ANO7: variants seen among roughly 807,000 people sequenced by gnomAD.
The protein encoded by ANO7 is anoctamin-7.
ANO7 carries 114 observed loss-of-function variants against 115.8 expected under a neutral mutation model. That is an observed-to-expected ratio of 0.98 (90% CI 0.85 to 1.15). ANO7 has a LOEUF of 1.15. Ranked by LOEUF, ANO7 falls within the 50% of genes most tolerant of loss-of-function variation. ANO7 has a pLI of 0.00. For synonymous variants in ANO7, 550 were observed against 498.2 expected (o/e 1.10, Z -1.38); for missense variants, 1,302 against 1,201.2 (o/e 1.08, Z -1.24).
At chr2:241,230,884 T>C (rs1425884109), downstream of ANO7, 3 of 1,614,078 alleles carry the variant, frequency 1.9e-6, no homozygotes, top group Non-Finnish European at 2.5e-6. This position sits in a 1 kb window ranked among gnomAD's most constrained non-coding sequence, Gnocchi z 5.0. Context: ...ATTCTCAGTA[T>C]AGCATCCCTG....
At chr2:241,238,891 C>T in the ANO7 span, 3 of 892,266 alleles carry the variant, frequency 3.4e-6, no homozygotes, top group South Asian at 2.7e-5. This position sits in a 1 kb window ranked among gnomAD's most constrained non-coding sequence, Gnocchi z 4.9. Context: ...TCCTCTACAG[C>T]CACTTGGCAC....
chr2:241,203,212 G>T lies in ANO7; in HGVS notation c.724-121G>T. On this transcript the variant is annotated intron_variant, in intron 8 of 24. Coordinates refer to ENST00000674324, the MANE Select transcript of ANO7 (RefSeq NM_001370694.2). The surrounding 1 kb of genome is among the most constrained non-coding windows in gnomAD (Gnocchi z 4.8). ...CCACATTACTCTATTTTTTCTTCAT[G>T]GAGCAATCCCAGACTCCCAGGCCTG... The T allele has an allele frequency of 4.0e-4, 224 of 564,674 alleles. No individual in the cohort carries two copies. Among genetic ancestry groups the T allele is most frequent in the Middle Eastern group, 1.1e-3 (2 of 1,854 alleles). 35.0% of individuals were successfully genotyped at this position (564,674 alleles called of 1,614,324 possible). A position where few individuals can be genotyped will look rare whatever the true frequency, so the allele number is the denominator to read the frequency against.
intron 17 of ANO7, among the ~76,000 whole-genome samples, chr2:241,213,952 T>C (rs1006542061): frequency 6.6e-6 from 1 of 152,210 alleles, no homozygotes; most frequent in Non-Finnish European, 1.5e-5. Flanking sequence ...TCTCAATTGT[T>C]AAGTGGGAAA....
At chr2:241,216,845 G>GT (rs1270147818) in intron 19 of ANO7, among the ~76,000 whole-genome samples, 6 of 152,042 alleles carry the variant, frequency 3.9e-5, no homozygotes, top group Non-Finnish European at 5.9e-5. Flanking sequence ...TTTTTGTTTT[G>GT]TTTTTTGAGA....
At chr2:241,233,340 G>A in the ANO7 span, among the ~76,000 whole-genome samples, 1 of 152,152 alleles carries the variant, frequency 6.6e-6, no homozygotes, top group Non-Finnish European at 1.5e-5. The surrounding 1 kb of genome is among the most constrained non-coding windows in gnomAD (Gnocchi z 4.3). Context: ...GCCAGTGGCA[G>A]GGGGGTGGCA....
intron 7 of ANO7, among the ~76,000 whole-genome samples, chr2:241,201,708 G>C (rs916954533): frequency 2.6e-5 from 4 of 152,214 alleles, no homozygotes; most frequent in African/African-American, 7.2e-5. Context: ...GGTGGCCCCA[G>C]GCGGGGCAGG....
intron 10 of ANO7, among the ~76,000 whole-genome samples, chr2:241,205,643 G>A (rs1176652968): frequency 2.4e-5 from 3 of 122,522 alleles, no homozygotes; most frequent in African/African-American, 9.7e-5. Flanking sequence ...CAGGTGGGCA[G>A]GAGTGCTCCC....
intron 7 of ANO7, 83 bp from the exon 8 acceptor site, chr2:241,202,111 G>T: frequency 8.4e-7 from 1 of 1,189,090 alleles, no homozygotes; most frequent in Non-Finnish European, 1.2e-6. Context: ...CCATGGCCTT[G>T]GCCTAAAGAC....
the ANO7 span, chr2:241,240,030 G>A: frequency 8.7e-5 from 140 of 1,614,176 alleles, 1 homozygote; most frequent in African/African-American, 1.3e-3. This position sits in a 1 kb window ranked among gnomAD's most constrained non-coding sequence, Gnocchi z 5.5. Flanking sequence ...CAGTGCTGTC[G>A]CGCACCTTGC....
chr2:241,222,088 G>C (rs2069035160), intron 21 of ANO7, among the ~76,000 whole-genome samples: 1 of 152,016 alleles, frequency 6.6e-6, no homozygotes, highest in Admixed American at 6.6e-5. Flanking sequence ...CAAAAAATTA[G>C]CTGGGCATTG....
intron 21 of ANO7, among the ~76,000 whole-genome samples, chr2:241,222,121 C>G (rs985824973): frequency 6.6e-6 from 1 of 151,930 alleles, no homozygotes; most frequent in Non-Finnish European, 1.5e-5. Flanking sequence ...GTAGTCCCAG[C>G]TACTCAGGAG....
chr2:241,192,675 CGT>C (rs2068233658), intron 3 of ANO7, among the ~76,000 whole-genome samples: 1 of 152,180 alleles, frequency 6.6e-6, no homozygotes, highest in Non-Finnish European at 1.5e-5. Flanking sequence ...AAGCCATCCA[CGT>C]GTCCACCTAC....
intron 16 of ANO7, 137 bp downstream of exon 16, chr2:241,212,342 CAG>C (rs1193069106): frequency 1.0e-6 from 1 of 972,572 alleles, no homozygotes; most frequent in African/African-American, 1.6e-5. Context: ...AGGCAGGGGA[CAG>C]GGGCCCATGC....
At chr2:241,234,151 A>G in the ANO7 span, among the ~76,000 whole-genome samples, 1 of 152,204 alleles carries the variant, frequency 6.6e-6, no homozygotes, top group Non-Finnish European at 1.5e-5. Flanking sequence ...AATGAGAACC[A>G]GGGAACTTGG....
intron 23 of ANO7, 54 bp downstream of exon 23, chr2:241,223,835 T>C (rs1046098356): frequency 6.2e-7 from 1 of 1,613,896 alleles, no homozygotes; most frequent in Non-Finnish European, 8.5e-7. Context: ...CCTATCCTTG[T>C]CAGTGGCTGC....
At chr2:241,193,358 C>T (rs554236001) in intron 3 of ANO7, among the ~76,000 whole-genome samples, 2 of 152,174 alleles carry the variant, frequency 1.3e-5, no homozygotes, top group Non-Finnish European at 2.9e-5. Context: ...GTGTGAGCCG[C>T]CACGCCCAGC....
intron 17 of ANO7, among the ~76,000 whole-genome samples, chr2:241,213,614 C>T (rs897327407): frequency 6.6e-5 from 10 of 152,198 alleles, no homozygotes; most frequent in African/African-American, 2.4e-4. Context: ...CACAGCCCCT[C>T]CTGGGTGAGG....
In ANO7 at chr2:241,203,532, GGCCCCCCCA is replaced by G. The variant is rs777781452; in HGVS notation, c.889+37_889+45del. 2.1e-6 allele frequency: 3 copies of G among 1,405,230 alleles called. No individual in the cohort carries two copies. The highest frequency in any genetic ancestry group is 2.8e-6 in the Non-Finnish European group (3 of 1,067,582). The allele number at this position is 1,405,230 out of a possible 1,614,324, so 87.0% of individuals were successfully genotyped here. A position where few individuals can be genotyped will look rare whatever the true frequency, so the allele number is the denominator to read the frequency against. ...CCCCCGCTGCCCCCCAGACCACCTGGGCCCCCCCAGCTTGGTGTCAGGTTGTAACAATTT... is the reference window on the plus strand; with the variant it reads ...CCCCCGCTGCCCCCCAGACCACCTGGGCTTGGTGTCAGGTTGTAACAATTT... On this transcript the variant is annotated intron_variant, in intron 9 of 24. Coordinates refer to ENST00000674324, the MANE Select transcript of ANO7 (RefSeq NM_001370694.2). This position sits in a 1 kb window ranked among gnomAD's most constrained non-coding sequence, Gnocchi z 4.8.
At chr2:241,226,757 C>T (rs538193210), downstream of ANO7, among the ~76,000 whole-genome samples, 522 of 152,294 alleles carry the variant, frequency 3.4e-3, 3 homozygotes, top group Non-Finnish European at 6.2e-3. Context: ...CTGCCATACC[C>T]GTCTTCCCAG....
Sources: gnomAD v4.1 joint callset for allele counts (sites outside exome capture counted in the v4.1 genomes callset) on GRCh38, gnomAD v4.1.1 for gene constraint, Gnocchi (gnomAD v3.1) non-coding constraint, MANE v1.5 for transcripts, NCBI Gene and HGNC (gene_info 2026-07-23, HGNC 2026-07-21) for gene names.